Variants in ANXA8 observed in about 807,000 individuals in gnomAD.
The protein encoded by ANXA8 is annexin A8, also known as VAC-beta.
Under a neutral mutation model 26.8 loss-of-function variants are expected in ANXA8, and 9 were observed. The ratio of observed to expected loss-of-function variants is 0.34; its 90% confidence interval spans 0.20 to 0.59. The LOEUF (loss-of-function observed/expected upper bound fraction) is 0.59, where lower values mean the gene tolerates loss of function less well. ANXA8 is among the 20% of genes least tolerant of loss of function. The probability of loss-of-function intolerance (pLI) is 0.84; values close to 1 mark genes in which losing one functional copy is unlikely to be tolerated. For missense variants in ANXA8, 83 were observed against 238.5 expected (o/e 0.35, Z 4.29); for synonymous variants, 39 against 94.8 (o/e 0.41, Z 3.42).
At chr10:47,651,896 A>AAAAAC in the ANXA8 span, among the ~76,000 whole-genome samples, 1,777 of 150,330 alleles carry the variant, frequency 0.012, no homozygotes, top group Non-Finnish European at 0.015. Flanking sequence ...CTTTGTCTCA[A>AAAAAC]AAAACAAAAC....
At chr10:47,626,536 G>A in the ANXA8 span, among the ~76,000 whole-genome samples, 1 of 149,758 alleles carries the variant, frequency 6.7e-6, no homozygotes. Context: ...GTTTTAGAAC[G>A]TTAAAGTTTC....
chr10:47,894,838 G>A, the ANXA8 span, among the ~76,000 whole-genome samples: 1 of 152,080 alleles, frequency 6.6e-6, no homozygotes, highest in Non-Finnish European at 1.5e-5. Flanking sequence ...ACCCCAAACA[G>A]TACACCACAC....
At chr10:47,654,027 C>T in the ANXA8 span, among the ~76,000 whole-genome samples, 4 of 151,716 alleles carry the variant, frequency 2.6e-5, no homozygotes, top group African/African-American at 9.7e-5. Context: ...CAGTATACAG[C>T]TGTGCCAAAT....
the ANXA8 span, among the ~76,000 whole-genome samples, chr10:47,613,810 G>C: frequency 0.11 from 6,552 of 59,904 alleles, 263 homozygotes; most frequent in South Asian, 0.17. Context: ...TGCATGCGCA[G>C]TTCACAGTAG....
At chr10:47,744,414 G>GGGGAA in the ANXA8 span, among the ~76,000 whole-genome samples, 1 of 42,962 alleles carries the variant, frequency 2.3e-5, no homozygotes, top group Non-Finnish European at 4.7e-5. Context: ...CTCCTGGTGG[G>GGGGAA]GGGGGGGTTG....
chr10:47,628,770 CTA>C, the ANXA8 span, among the ~76,000 whole-genome samples: 1 of 149,632 alleles, frequency 6.7e-6, no homozygotes, highest in Non-Finnish European at 1.5e-5. Flanking sequence ...TCAAAATCTT[CTA>C]GAGTGAACAA....
chr10:47,603,533 A>G, the ANXA8 span, among the ~76,000 whole-genome samples: 1 of 142,552 alleles, frequency 7.0e-6, no homozygotes, highest in South Asian at 2.1e-4. Flanking sequence ...TTTTTTTGAG[A>G]CGGAGTCTTG....
the ANXA8 span, among the ~76,000 whole-genome samples, chr10:47,699,121 C>A: frequency 6.6e-6 from 1 of 151,486 alleles, no homozygotes; most frequent in Non-Finnish European, 1.5e-5. Context: ...CCAAGGTGGG[C>A]GGATCTCTTG....
chr10:47,728,715 AT>A, the ANXA8 span, among the ~76,000 whole-genome samples: 1 of 118,328 alleles, frequency 8.5e-6, no homozygotes, highest in Admixed American at 8.8e-5. Context: ...GGCTATTTTC[AT>A]TCCTTTTCTT....
chr10:47,743,185 A>G, the ANXA8 span, among the ~76,000 whole-genome samples: 1 of 139,136 alleles, frequency 7.2e-6, no homozygotes, highest in African/African-American at 2.7e-5. Flanking sequence ...AAAAAAAAAA[A>G]AAAGAAATGG....
the ANXA8 span, among the ~76,000 whole-genome samples, chr10:47,743,341 C>CAT: frequency 3.7e-5 from 2 of 53,744 alleles, no homozygotes; most frequent in African/African-American, 1.1e-4. Context: ...TATATATATA[C>CAT]ATATATATAT....
At chr10:47,671,290 T>C in the ANXA8 span, among the ~76,000 whole-genome samples, 4 of 151,612 alleles carry the variant, frequency 2.6e-5, no homozygotes, top group Non-Finnish European at 5.9e-5. Context: ...GGCTTGGTGG[T>C]GCGTGCCTGT....
chr10:47,988,908 G>A, the ANXA8 span, among the ~76,000 whole-genome samples: 2 of 151,594 alleles, frequency 1.3e-5, no homozygotes, highest in Non-Finnish European at 2.9e-5. Flanking sequence ...AAATAAAGTT[G>A]TGCTCATCGG....
the ANXA8 span, among the ~76,000 whole-genome samples, chr10:47,579,135 C>G: frequency 6.9e-6 from 1 of 143,944 alleles, no homozygotes; most frequent in Non-Finnish European, 1.5e-5. Context: ...GCCACTGCAT[C>G]CAGCCTGTTT....
the ANXA8 span, among the ~76,000 whole-genome samples, chr10:47,659,900 G>A: frequency 6.6e-6 from 1 of 151,356 alleles, no homozygotes; most frequent in Non-Finnish European, 1.5e-5. Context: ...GGGAGTAGAG[G>A]TGTGCTCCAC....
chr10:47,501,772 T>G, the ANXA8 span: 3 of 423,782 alleles, frequency 7.1e-6, no homozygotes, highest in Non-Finnish European at 1.2e-5. Context: ...CAATGCACAT[T>G]TATGAAATTT....
chr10:47,593,295 G>A, the ANXA8 span, among the ~76,000 whole-genome samples: 1 of 149,608 alleles, frequency 6.7e-6, no homozygotes, highest in African/African-American at 2.6e-5. Flanking sequence ...CACCACATGA[G>A]ACAAAGAAAA....
the ANXA8 span, among the ~76,000 whole-genome samples, chr10:47,685,223 G>A: frequency 5.3e-5 from 8 of 151,100 alleles, 1 homozygote; most frequent in African/African-American, 1.9e-4. Flanking sequence ...GTGCATGCCT[G>A]TAATCTCAGC....
chr10:47,647,932 T>A, the ANXA8 span, among the ~76,000 whole-genome samples: 1 of 151,878 alleles, frequency 6.6e-6, no homozygotes, highest in African/African-American at 2.4e-5. Flanking sequence ...CGTGGCCACA[T>A]ACGGACTTCC....
Sources: allele counts gnomAD v4.1 joint callset (sites outside exome capture counted in the v4.1 genomes callset), GRCh38; gene constraint gnomAD v4.1.1; transcripts MANE v1.5; gene names NCBI Gene and HGNC (gene_info 2026-07-23, HGNC 2026-07-21).